TNKS: variants seen among roughly 807,000 people sequenced by gnomAD.
TNKS encodes poly [ADP-ribose] polymerase tankyrase-1.
In TNKS, 72 loss-of-function variants were observed where a neutral mutation model predicts 135.8. The ratio of observed to expected loss-of-function variants is 0.53; its 90% CI spans 0.44 to 0.64. The LOEUF (loss-of-function observed/expected upper bound fraction) is 0.64. Among genes scored for constraint, TNKS ranks in the 30% least tolerant of loss-of-function variants. The probability of loss-of-function intolerance (pLI) is 0.00; values close to 1 mark genes in which losing one functional copy is unlikely to be tolerated. For synonymous variants in TNKS, 849 were observed against 649.3 expected (o/e 1.31, Z -4.68); for missense variants, 1,769 against 1,674.0 (o/e 1.06, Z -0.99).
intron 3 of TNKS, among the ~76,000 whole-genome samples, chr8:9,618,114 G>C (rs926791213): frequency 6.6e-6 from 1 of 151,102 alleles, no homozygotes; most frequent in Admixed American, 6.6e-5. Context: ...AGCCTCCCGA[G>C]TAGCTGGGAC....
chr8:9,748,170 C>A lies in TNKS; in HGVS notation c.2790C>A (p.Thr930=), dbSNP rs141384914. 2.0e-4 allele frequency: 326 copies of A among 1,594,544 alleles called. 1 individual carries two copies. The East Asian group carries it at 7.3e-3, about 36-fold the overall frequency. The change falls in exon 18 of 27, where the codon ACC becomes ACA. Residue 930 remains threonine, a synonymous_variant. Coordinates refer to ENST00000310430, the MANE Select transcript of TNKS (RefSeq NM_003747.3). The stretch of plus-strand genomic sequence containing the variant: ...TCCTAGCGCATGGTGCAGACCCCAC[C>A]ATGAAGAACCAGGAAGGCCAGACGC... ...ALLLAHGADP[T]MKNQEGQTPL... is the part of the protein sequence containing the mutation.
At chr8:9,661,735 G>A (rs1321837579) in intron 3 of TNKS, among the ~76,000 whole-genome samples, 1 of 152,130 alleles carries the variant, frequency 6.6e-6, no homozygotes, top group East Asian at 1.9e-4. Context: ...TTGACAAATG[G>A]GATCTAATTA....
intron 3 of TNKS, among the ~76,000 whole-genome samples, chr8:9,651,600 A>C (rs1168592282): frequency 6.6e-6 from 1 of 152,208 alleles, no homozygotes; most frequent in Non-Finnish European, 1.5e-5. Context: ...ACTCTCAAGA[A>C]ATAGTGCAAT....
Position 9,591,852 on chromosome 8 carries a change from G to C in TNKS, c.898+11469G>C, listed in dbSNP as rs561852008. Among the ~76,000 whole-genome samples the C allele has an allele frequency of 6.6e-5, 10 of 152,218 alleles. No individual in the cohort carries two copies. In the South Asian group the frequency reaches 2.1e-3, roughly 32 times the overall value. ...ATTTCTGCTTGACAATTATTCTTAGGTTAAAAGCAGTATATAGAGAAATAA... is the reference window on the plus strand; with the variant it reads ...ATTTCTGCTTGACAATTATTCTTAGCTTAAAAGCAGTATATAGAGAAATAA... On this transcript the variant is annotated intron_variant, in intron 2 of 26. Coordinates refer to ENST00000310430, the MANE Select transcript of TNKS (RefSeq NM_003747.3).
intron 3 of TNKS, among the ~76,000 whole-genome samples, chr8:9,640,025 C>G (rs1221510694): frequency 6.6e-6 from 1 of 152,142 alleles, no homozygotes; most frequent in East Asian, 1.9e-4. Flanking sequence ...TGTGTGAACT[C>G]TTTAGCTAAA....
chr8:9,624,649 A>G (rs1458152221), intron 3 of TNKS, among the ~76,000 whole-genome samples: 1 of 152,106 alleles, frequency 6.6e-6, no homozygotes, highest in Admixed American at 6.6e-5. Flanking sequence ...ACCTTTAACT[A>G]GTTTTTTTAA....
In TNKS at chr8:9,571,846, A is replaced by C. The variant is rs368670192; in HGVS notation, c.674-8313A>C. Among the ~76,000 whole-genome samples the C allele has an allele frequency of 1.3e-4, 20 of 152,242 alleles. No homozygotes were observed. In the East Asian group the frequency reaches 3.5e-3, roughly 26 times the overall value. On this transcript the variant is annotated intron_variant, in intron 1 of 26. Transcript: ENST00000310430. ...GAACTTTTTTAGGTACTTGAATATA[A>C]AGAGTTTCTCACCTCTTGATTTACT...
At chr8:9,572,706 AT>A (rs1344665646) in intron 1 of TNKS, among the ~76,000 whole-genome samples, 2 of 152,184 alleles carry the variant, frequency 1.3e-5, no homozygotes, top group Non-Finnish European at 2.9e-5. Flanking sequence ...CCCCTCTATA[AT>A]TTTGAGGCTG....
intron 26 of TNKS, among the ~76,000 whole-genome samples, chr8:9,770,654 T>A (rs547338059): frequency 1.3e-5 from 2 of 152,300 alleles, no homozygotes; most frequent in South Asian, 4.1e-4. Flanking sequence ...ACAATTTGTC[T>A]GAATGTAAGT....
intron 2 of TNKS, among the ~76,000 whole-genome samples, chr8:9,583,922 T>A (rs560752450): frequency 2.0e-5 from 3 of 151,428 alleles, no homozygotes; most frequent in African/African-American, 7.3e-5. Context: ...CCCAGTACTT[T>A]GGGAGGCCGA....
intron 3 of TNKS, among the ~76,000 whole-genome samples, chr8:9,663,751 G>T (rs932268647): frequency 6.6e-6 from 1 of 152,164 alleles, no homozygotes; most frequent in Non-Finnish European, 1.5e-5. Flanking sequence ...TATTATAAAG[G>T]AATTACAAAG....
At position 9,615,584 on chromosome 8, in the gene TNKS, C is replaced by G. The variant is rs1286275701; in HGVS notation, c.901C>G (p.Leu301Val). Residue 301 changes from leucine to valine, a missense_variant and splice_region_variant, in exon 3 of 27, where the codon CTG becomes GTG. Physicochemically the swap from Leu to Val is conservative, Grantham distance 32. This residue lies in a region of TNKS where 523 missense variants were observed against 541.0 expected (regional missense o/e 0.97). Coordinates refer to ENST00000310430, the MANE Select transcript of TNKS (RefSeq NM_003747.3). ...IKGKIDVCIV[L>V]LQHGADPNIR... The stretch of plus-strand genomic sequence containing the variant: ...CTGTTTCTGCTTTCCCTGCACAGTG[C>G]TGCTGCAGCACGGAGCTGACCCAAA... The G allele has an allele frequency of 1.9e-6, 3 of 1,612,696 alleles. No individual in the cohort carries two copies. The highest frequency in any genetic ancestry group is 2.5e-6 in the Non-Finnish European group (3 of 1,179,364).
intron 3 of TNKS, among the ~76,000 whole-genome samples, chr8:9,664,795 C>G (rs191820303): frequency 6.6e-6 from 1 of 152,268 alleles, no homozygotes; most frequent in African/African-American, 2.4e-5. Flanking sequence ...ATAAAAGTCA[C>G]ACGTTCATGA....
intron 2 of TNKS, among the ~76,000 whole-genome samples, chr8:9,609,352 A>T (rs1314751202): frequency 6.6e-6 from 1 of 152,196 alleles, no homozygotes; most frequent in East Asian, 1.9e-4. Context: ...TAGGCTTTAG[A>T]TATCGTAGAC....
At chr8:9,692,336 T>C (rs1803314097) in intron 5 of TNKS, among the ~76,000 whole-genome samples, 3 of 152,346 alleles carry the variant, frequency 2.0e-5, no homozygotes, top group African/African-American at 7.2e-5. Flanking sequence ...GATAATGGCT[T>C]CCAGCTGCAT....
At chr8:9,726,744 G>C in intron 13 of TNKS, 24 bp downstream of exon 13, 2 of 1,568,354 alleles carry the variant, frequency 1.3e-6, no homozygotes, top group African/African-American at 1.4e-5. Flanking sequence ...CTTAATATCT[G>C]GAATAGCACT....
In TNKS at chr8:9,580,433, CT is replaced by C. The variant is rs781000080; in HGVS notation, c.898+57del. Reference sequence around the variant, plus strand: ...AATTTTAAATAAAGGTTTATTCTTACTTTTTTTGTGGTACAAATAGTGTTTC... The same window carrying C: ...AATTTTAAATAAAGGTTTATTCTTACTTTTTTGTGGTACAAATAGTGTTTC... On this transcript the variant is annotated intron_variant, in intron 2 of 26. Transcript: ENST00000310430. The C allele has an allele frequency of 1.3e-5, 20 of 1,546,768 alleles. No homozygotes were observed. The East Asian group carries it at 2.3e-4, about 17-fold the overall frequency.
rs536063027 is a variant in TNKS, at chr8:9,669,424, C to CA, written c.995-10507dup. 8.8e-3 allele frequency among the ~76,000 whole-genome samples: 836 copies of CA among 94,802 alleles called. 11 individuals are homozygous for CA. Among genetic ancestry groups the CA allele is most frequent in the Admixed American group, 0.012 (107 of 8,870 alleles). The allele number at this position is 94,802 out of a possible 152,430, so 62.2% of individuals were successfully genotyped here. On this transcript the variant is annotated intron_variant, in intron 3 of 26. Coordinates refer to ENST00000310430, the MANE Select transcript of TNKS (RefSeq NM_003747.3). ...TGCGCGACAGAGCGAGACTCCGCCT[C>CA]AAAAAAAAAAAAAAAAAAAAGAATG...
chr8:9,672,705 CACACACAA>C, intron 3 of TNKS, among the ~76,000 whole-genome samples: 1 of 112,172 alleles, frequency 8.9e-6, no homozygotes, highest in East Asian at 2.8e-4. Flanking sequence ...CACACACACA[CACACACAA>C]AAAAAAAAAA....
Sources: gnomAD v4.1 joint callset for allele counts (sites outside exome capture counted in the v4.1 genomes callset) on GRCh38, gnomAD v4.1.1 for gene constraint, gnomAD v4.1.1 regional missense constraint, MANE v1.5 for transcripts, NCBI Gene and HGNC (gene_info 2026-07-23, HGNC 2026-07-21) for gene names.